The following GALNT13 variants were observed in gnomAD, a reference collection of about 807,000 sequenced individuals.
The protein encoded by GALNT13 is polypeptide N-acetylgalactosaminyltransferase 13.
GALNT13 carries 28 observed loss-of-function variants against 64.2 expected under a neutral mutation model. The ratio of observed to expected loss-of-function variants is 0.44; its 90% CI spans 0.32 to 0.60. GALNT13 has a LOEUF of 0.60. Ranked by LOEUF, GALNT13 falls within the 20% of genes least tolerant of loss-of-function variation. The probability of loss-of-function intolerance (pLI) is 0.05; values close to 1 mark genes in which losing one functional copy is unlikely to be tolerated. For missense variants in GALNT13, 577 were observed against 669.8 expected, an observed-to-expected ratio of 0.86 and a Z score of 1.53; for synonymous variants, 214 against 224.6, an observed-to-expected ratio of 0.95 and a Z score of 0.42.
the GALNT13 span, among the ~76,000 whole-genome samples, chr2:153,288,231 G>A: frequency 6.6e-6 from 1 of 152,248 alleles, no homozygotes; most frequent in African/African-American, 2.4e-5. Context: ...CTGAATTATA[G>A]AGTAGTACAC....
chr2:153,169,798 G>A, the GALNT13 span, among the ~76,000 whole-genome samples: 2 of 152,142 alleles, frequency 1.3e-5, no homozygotes, highest in African/African-American at 2.4e-5. Context: ...TATATTTAAA[G>A]GGGTCAAAAG....
At chr2:153,795,123 A>G in the GALNT13 span, among the ~76,000 whole-genome samples, 1 of 152,160 alleles carries the variant, frequency 6.6e-6, no homozygotes, top group African/African-American at 2.4e-5. Context: ...TTTCCTCACC[A>G]TGTTAGTTTG....
intron 3 of GALNT13, among the ~76,000 whole-genome samples, chr2:154,086,371 T>A (rs916908661): frequency 6.7e-6 from 1 of 148,264 alleles, no homozygotes; most frequent in Non-Finnish European, 1.5e-5. Context: ...TTTCTTTATA[T>A]ATCACCAATT....
the GALNT13 span, among the ~76,000 whole-genome samples, chr2:153,521,462 A>C: frequency 3.3e-5 from 5 of 152,232 alleles, no homozygotes; most frequent in Non-Finnish European, 5.9e-5. Context: ...TTCCGTCTAC[A>C]CATGCACAGC....
the GALNT13 span, among the ~76,000 whole-genome samples, chr2:153,507,435 G>A: frequency 3.4e-4 from 52 of 151,754 alleles, no homozygotes; most frequent in Admixed American, 2.6e-4. Flanking sequence ...CCCGTGCCAC[G>A]ATGCACAGCT....
intron 3 of GALNT13, among the ~76,000 whole-genome samples, chr2:153,963,276 T>A (rs1278626274): frequency 6.6e-6 from 1 of 152,188 alleles, no homozygotes; most frequent in African/African-American, 2.4e-5. Flanking sequence ...CTGGGAAACA[T>A]TTAGACCATA....
At chr2:154,196,938 T>A (rs1686910358) in intron 4 of GALNT13, among the ~76,000 whole-genome samples, 2 of 152,252 alleles carry the variant, frequency 1.3e-5, no homozygotes, top group Non-Finnish European at 2.9e-5. Context: ...ACTATTATTA[T>A]ATGTGTCCTT....
chr2:153,194,855 G>A, the GALNT13 span, among the ~76,000 whole-genome samples: 2 of 152,196 alleles, frequency 1.3e-5, no homozygotes, highest in African/African-American at 2.4e-5. Flanking sequence ...CAGTGTCAGT[G>A]ATGTCTGTGA....
the GALNT13 span, among the ~76,000 whole-genome samples, chr2:153,605,911 T>A: frequency 6.6e-6 from 1 of 152,080 alleles, no homozygotes; most frequent in Admixed American, 6.6e-5. Flanking sequence ...GTGTCTGCTG[T>A]GGACATCAGG....
the GALNT13 span, among the ~76,000 whole-genome samples, chr2:153,069,542 A>G: frequency 2.0e-5 from 3 of 152,180 alleles, no homozygotes; most frequent in Non-Finnish European, 4.4e-5. Context: ...AATTATTTGA[A>G]TCAGGAAGAG....
At chr2:153,930,303 T>C (rs1327504802) in intron 2 of GALNT13, among the ~76,000 whole-genome samples, 2 of 152,054 alleles carry the variant, frequency 1.3e-5, no homozygotes, top group African/African-American at 2.4e-5. Context: ...TGTCTGTTTG[T>C]TGTCTGCTTG....
intron 9 of GALNT13, among the ~76,000 whole-genome samples, chr2:154,311,424 A>G (rs1023401485): frequency 6.6e-6 from 1 of 152,090 alleles, no homozygotes; most frequent in Admixed American, 6.6e-5. Flanking sequence ...AAAACCAGCA[A>G]GTTTTTATTA....
the GALNT13 span, among the ~76,000 whole-genome samples, chr2:153,397,090 AT>A: frequency 1.3e-5 from 2 of 152,112 alleles, no homozygotes; most frequent in African/African-American, 4.8e-5. Context: ...AGGCTTAATG[AT>A]TGCTTCTTCT....
the GALNT13 span, among the ~76,000 whole-genome samples, chr2:153,276,005 A>G: frequency 6.6e-6 from 1 of 152,166 alleles, no homozygotes; most frequent in Non-Finnish European, 1.5e-5. Flanking sequence ...ATTATATTTC[A>G]TTTTCATTTA....
At chr2:153,415,668 G>T in the GALNT13 span, among the ~76,000 whole-genome samples, 3 of 152,274 alleles carry the variant, frequency 2.0e-5, no homozygotes, top group African/African-American at 7.2e-5. Flanking sequence ...ACAAAAGCAA[G>T]AAGTGAAATA....
chr2:153,988,686 G>A (rs544532555), intron 3 of GALNT13, among the ~76,000 whole-genome samples: 1 of 152,028 alleles, frequency 6.6e-6, no homozygotes, highest in South Asian at 2.1e-4. Flanking sequence ...AGAAGCAAGG[G>A]CATTGGTAGC....
At chr2:153,858,367 A>G in the GALNT13 span, among the ~76,000 whole-genome samples, 2 of 152,224 alleles carry the variant, frequency 1.3e-5, no homozygotes, top group African/African-American at 4.8e-5. Context: ...GGAGGTGTTC[A>G]GGGTTTTAAG....
chr2:153,311,250 C>A, the GALNT13 span, among the ~76,000 whole-genome samples: 1 of 152,034 alleles, frequency 6.6e-6, no homozygotes, highest in Non-Finnish European at 1.5e-5. Context: ...TTCAAAGGAA[C>A]AAAAACTCAA....
chr2:153,743,521 GTTTAT>G, the GALNT13 span, among the ~76,000 whole-genome samples: 2 of 151,212 alleles, frequency 1.3e-5, no homozygotes, highest in African/African-American at 4.9e-5. Flanking sequence ...GAAGCTTTTT[GTTTAT>G]TTATCTATTT....
Sources: gnomAD v4.1 joint callset for allele counts (sites outside exome capture counted in the v4.1 genomes callset) on GRCh38, gnomAD v4.1.1 for gene constraint, MANE v1.5 for transcripts, NCBI Gene and HGNC (gene_info 2026-07-23, HGNC 2026-07-21) for gene names.